Variants in P2RX5 observed in about 807,000 individuals in gnomAD.
P2RX5 encodes the protein purinergic receptor P2X 5.
P2RX5 carries 46 observed loss-of-function variants against 54.1 expected under a neutral mutation model. The ratio of observed to expected loss-of-function variants is 0.85; its 90% confidence interval spans 0.67 to 1.09. The LOEUF is 1.09. Ranked by LOEUF, P2RX5 falls within the 50% of genes least tolerant of loss-of-function variation. P2RX5 has a pLI of 0.00. For synonymous variants in P2RX5, 226 were observed against 226.4 expected (o/e 1.00, Z 0.02); for missense variants, 566 against 549.8 (o/e 1.03, Z -0.29).
chr17:3,691,348 G>A (rs1338762521), intron 2 of P2RX5, among the ~76,000 whole-genome samples: 3 of 152,222 alleles, frequency 2.0e-5, no homozygotes, highest in Non-Finnish European at 2.9e-5. Flanking sequence ...TAGAAGGGGG[G>A]TTCTCTGTGC....
the P2RX5 span, among the ~76,000 whole-genome samples, chr17:3,713,756 A>AT: frequency 6.6e-6 from 1 of 151,756 alleles, no homozygotes; most frequent in Non-Finnish European, 1.5e-5. Flanking sequence ...GTCTCAAAAA[A>AT]AAAAAATAAA....
chr17:3,712,361 G>A, the P2RX5 span, among the ~76,000 whole-genome samples: 17 of 152,166 alleles, frequency 1.1e-4, no homozygotes, highest in Admixed American at 6.6e-4. Context: ...GGCAAGGTAC[G>A]GGGCTCCATG....
At chr17:3,717,698 C>T in the P2RX5 span, 1 of 152,228 alleles carries the variant, frequency 6.6e-6, no homozygotes. Flanking sequence ...GACAAACTTA[C>T]CTTTAAGGCC....
chr17:3,690,315 G>T, intron 5 of P2RX5, 112 bp downstream of exon 5: 1 of 1,125,096 alleles, frequency 8.9e-7, no homozygotes, highest in South Asian at 1.3e-5. Flanking sequence ...GGGACAGCCT[G>T]ACTCCTCCCT....
the P2RX5 span, among the ~76,000 whole-genome samples, chr17:3,709,341 TA>T: frequency 6.6e-6 from 1 of 152,190 alleles, no homozygotes; most frequent in Non-Finnish European, 1.5e-5. Context: ...CTGATTTCAC[TA>T]TGAGAAATGT....
chr17:3,688,635 T>C lies in P2RX5; in HGVS notation c.878A>G (p.Tyr293Cys). The C allele has an allele frequency of 6.2e-7, 1 of 1,614,104 alleles. No individual in the cohort carries two copies. Residue 293 changes from tyrosine to cysteine, a missense_variant, in exon 8 of 12, where the codon TAC becomes TGC. Tyr to Cys is a radical substitution (Grantham distance 194). Coordinates refer to ENST00000225328, the MANE Select transcript of P2RX5 (RefSeq NM_002561.4). ...NKLSKSVSSG[Y>C]NFRFARYYRD... ...ACAAGGCAGCGGTTACCTGAAGTTGTACCCGGAGGAGACAGACTTTGAAAG... is the reference window on the plus strand; with the variant it reads ...ACAAGGCAGCGGTTACCTGAAGTTGCACCCGGAGGAGACAGACTTTGAAAG...
At chr17:3,722,035 C>T in the P2RX5 span, among the ~76,000 whole-genome samples, 3 of 152,014 alleles carry the variant, frequency 2.0e-5, no homozygotes, top group South Asian at 2.1e-4. Context: ...CAAAATTAGC[C>T]GGGTATGGTG....
upstream of P2RX5, chr17:3,696,520 T>C (rs1051534483): frequency 1.3e-5 from 2 of 152,366 alleles, no homozygotes; most frequent in African/African-American, 4.8e-5. Flanking sequence ...AGTGGTGCGA[T>C]CTCAGCTCAC....
chr17:3,688,155 CT>C, intron 8 of P2RX5, 50 bp from the exon 9 acceptor site: 1 of 986,284 alleles, frequency 1.0e-6, no homozygotes, highest in Non-Finnish European at 1.6e-6. Flanking sequence ...GGCCTTCCCT[CT>C]TTAGGCAGCA....
chr17:3,701,720 G>A, the P2RX5 span, among the ~76,000 whole-genome samples: 61,801 of 124,406 alleles, frequency 0.5, 17,907 homozygotes, highest in South Asian at 0.7. Flanking sequence ...AAAAAAAAAA[G>A]GAACTTCTAA....
the P2RX5 span, chr17:3,717,444 C>G: frequency 6.6e-6 from 1 of 152,336 alleles, no homozygotes; most frequent in African/African-American, 2.4e-5. Context: ...TTTCCAAAGG[C>G]TCTCCCAATT....
chr17:3,711,685 CA>C, the P2RX5 span, among the ~76,000 whole-genome samples: 2 of 150,380 alleles, frequency 1.3e-5, no homozygotes, highest in African/African-American at 2.4e-5. Context: ...CGCCCGGCCT[CA>C]TTATTTATTT....
chr17:3,697,256 C>G (rs1383137997), upstream of P2RX5, among the ~76,000 whole-genome samples: 1 of 152,100 alleles, frequency 6.6e-6, no homozygotes, highest in East Asian at 1.9e-4. Flanking sequence ...TCCCAACGCA[C>G]AAGAAATAGA....
intron 1 of P2RX5, 41 bp downstream of exon 1, chr17:3,695,823 CGCCCT>C: frequency 6.3e-7 from 1 of 1,589,492 alleles, no homozygotes; most frequent in Non-Finnish European, 8.6e-7. Flanking sequence ...GGCTGGCACC[CGCCCT>C]GCCCCTCCCC....
the P2RX5 span, among the ~76,000 whole-genome samples, chr17:3,716,213 G>A: frequency 4.6e-5 from 5 of 109,794 alleles, no homozygotes; most frequent in African/African-American, 2.0e-4. Flanking sequence ...GGGCAGAGAC[G>A]GGTAGCGGAC....
intron 9 of P2RX5, chr17:3,682,336 C>A (rs2050307457): frequency 2.7e-6 from 1 of 369,250 alleles, no homozygotes; most frequent in Non-Finnish European, 5.3e-6. Context: ...CTCCTGGGGA[C>A]TCTCCCTCTG....
At chr17:3,722,940 C>T in the P2RX5 span, among the ~76,000 whole-genome samples, 1 of 152,122 alleles carries the variant, frequency 6.6e-6, no homozygotes, top group African/African-American at 2.4e-5. Context: ...TTGCAACAGC[C>T]CTGGCAAGAA....
upstream of P2RX5, chr17:3,696,268 T>TTCCTCCTCC (rs113006222): frequency 6.2e-5 from 16 of 257,666 alleles, no homozygotes; most frequent in African/African-American, 2.1e-4. Context: ...CTACCTCTTC[T>TTCCTCCTCC]TCCTCCTCCT....
chr17:3,705,847 G>A, the P2RX5 span, among the ~76,000 whole-genome samples: 9 of 151,836 alleles, frequency 5.9e-5, no homozygotes, highest in Admixed American at 2.6e-4. Context: ...CCAGGCTGGC[G>A]TGCAGTGGCA....
Sources: allele counts gnomAD v4.1 joint callset (sites outside exome capture counted in the v4.1 genomes callset), GRCh38; gene constraint gnomAD v4.1.1; transcripts MANE v1.5; gene names NCBI Gene and HGNC (gene_info 2026-07-23, HGNC 2026-07-21).